TNIK: variants seen among roughly 807,000 people sequenced by gnomAD.
TNIK encodes the protein TRAF2 and NCK interacting kinase, also known as TRAF2 and NCK-interacting protein kinase.
A neutral mutation model predicts 191.3 loss-of-function variants in TNIK; 49 were observed. That is an observed-to-expected ratio of 0.26 (90% confidence interval 0.20 to 0.32). The LOEUF (loss-of-function observed/expected upper bound fraction) is 0.32, where lower values mean the gene tolerates loss of function less well. TNIK is among the 10% of genes least tolerant of loss of function. TNIK has a pLI of 1.00. For missense variants in TNIK, 1,155 were observed against 1,702.3 expected, an observed-to-expected ratio of 0.68 and a Z score of 5.66; for synonymous variants, 594 against 600.9, an observed-to-expected ratio of 0.99 and a Z score of 0.17.
At chr3:171,352,314 T>C (rs900773945) in intron 2 of TNIK, among the ~76,000 whole-genome samples, 2 of 152,214 alleles carry the variant, frequency 1.3e-5, no homozygotes, top group African/African-American at 4.8e-5. Flanking sequence ...GAAAAATCTA[T>C]TCACCTTTTA....
At chr3:171,183,957 A>G (rs1169339271) in intron 7 of TNIK, among the ~76,000 whole-genome samples, 3 of 151,074 alleles carry the variant, frequency 2.0e-5, no homozygotes, top group Admixed American at 2.0e-4. Flanking sequence ...CCCAAATAGC[A>G]ATACTTCCAT....
chr3:171,203,568 G>A (rs1032017706), intron 4 of TNIK, among the ~76,000 whole-genome samples: 2 of 152,156 alleles, frequency 1.3e-5, no homozygotes, highest in Non-Finnish European at 2.9e-5. Context: ...AGACTTTTCT[G>A]TGAAACTGCT....
chr3:171,158,536 T>A (rs1733530425), intron 11 of TNIK, among the ~76,000 whole-genome samples: 1 of 152,238 alleles, frequency 6.6e-6, no homozygotes, highest in Non-Finnish European at 1.5e-5. Flanking sequence ...AGAAATGACT[T>A]CTGTTTATTC....
intron 23 of TNIK, among the ~76,000 whole-genome samples, chr3:171,093,132 C>T (rs1722275044): frequency 6.6e-6 from 1 of 152,078 alleles, no homozygotes; most frequent in South Asian, 2.1e-4. Context: ...CTCAAACTTG[C>T]ATGGTGATGA....
At chr3:171,212,917 TA>T (rs10709085) in intron 3 of TNIK, among the ~76,000 whole-genome samples, 114,427 of 151,988 alleles carry the variant, frequency 0.75, 43,357 homozygotes, top group East Asian at 0.85. Context: ...CTAGGAGAAG[TA>T]AAAGCATGTT....
At chr3:171,065,746 A>T (rs1718360399) in intron 32 of TNIK, among the ~76,000 whole-genome samples, 1 of 152,202 alleles carries the variant, frequency 6.6e-6, no homozygotes, top group African/African-American at 2.4e-5. Context: ...GACATTTTTA[A>T]AAAGCTTATA....
chr3:171,110,008 G>A (rs192586193), intron 19 of TNIK, among the ~76,000 whole-genome samples: 36 of 152,054 alleles, frequency 2.4e-4, no homozygotes, highest in Admixed American at 1.1e-3. Context: ...GGGTTCAAGC[G>A]ATTCTCCTGC....
intron 2 of TNIK, among the ~76,000 whole-genome samples, chr3:171,277,568 A>C (rs1749906579): frequency 6.6e-6 from 1 of 152,114 alleles, no homozygotes; most frequent in South Asian, 2.1e-4. Flanking sequence ...TTACCAGAGG[A>C]GTTTCTGTGG....
intron 2 of TNIK, among the ~76,000 whole-genome samples, chr3:171,278,259 C>A (rs1041359022): frequency 6.6e-6 from 1 of 152,172 alleles, no homozygotes; most frequent in African/African-American, 2.4e-5. Context: ...ATTCTCCTAA[C>A]CTTTCAGATG....
At chr3:171,351,464 T>C (rs1200600957) in intron 2 of TNIK, among the ~76,000 whole-genome samples, 1 of 152,218 alleles carries the variant, frequency 6.6e-6, no homozygotes, top group Non-Finnish European at 1.5e-5. Flanking sequence ...TGTGTCATCT[T>C]CATTTTTCAT....
chr3:171,320,235 C>A (rs903020149), intron 2 of TNIK, among the ~76,000 whole-genome samples: 3 of 152,150 alleles, frequency 2.0e-5, no homozygotes, highest in Non-Finnish European at 2.9e-5. Flanking sequence ...AGAACATAGA[C>A]ATTTTGATTT....
rs756900420 is a variant in TNIK at position 171,087,523 on chromosome 3, C to G, written c.2722-17G>C. 3.1e-6 allele frequency: 5 copies of G among 1,611,540 alleles called. No individual in the cohort carries two copies. The highest frequency in any genetic ancestry group is 4.2e-6 in the Non-Finnish European group (5 of 1,178,428). On this transcript the variant is annotated splice_polypyrimidine_tract_variant and intron_variant, in intron 23 of 32. Coordinates refer to ENST00000436636, the MANE Select transcript of TNIK (RefSeq NM_015028.4). The stretch of plus-strand genomic sequence containing the variant: ...TCCAGACGTCTGAGGGAGCACAGCA[C>G]GTGGGAGGAGTTAGAGAGGGGGGAA...
chr3:171,455,406 CTT>C (rs761736063), intron 1 of TNIK, among the ~76,000 whole-genome samples: 22 of 137,434 alleles, frequency 1.6e-4, no homozygotes, highest in African/African-American at 1.3e-4. Context: ...ACCACACTGA[CTT>C]TTTTTTTTTT....
At chr3:171,161,641 G>A (rs577846446) in intron 10 of TNIK, among the ~76,000 whole-genome samples, 15 of 151,992 alleles carry the variant, frequency 9.9e-5, no homozygotes, top group Admixed American at 2.0e-4. Flanking sequence ...TTGTTTGGCC[G>A]GGCACGGTGG....
chr3:171,401,943 C>T (rs1180904852), intron 1 of TNIK, among the ~76,000 whole-genome samples: 2 of 152,186 alleles, frequency 1.3e-5, no homozygotes, highest in African/African-American at 4.8e-5. Flanking sequence ...GCAAAGTGAT[C>T]ACGTCTGTTT....
chr3:171,084,125 A>G (rs747214793), intron 26 of TNIK, 30 bp downstream of exon 26: 27 of 257,348 alleles, frequency 1.0e-4, no homozygotes, highest in Non-Finnish European at 1.7e-4. Context: ...TGGTTATTTA[A>G]AAAAAAAAAA....
chr3:171,424,054 G>C (rs995540301), intron 1 of TNIK, among the ~76,000 whole-genome samples: 1 of 152,112 alleles, frequency 6.6e-6, no homozygotes, highest in African/African-American at 2.4e-5. Context: ...GCAACCTATA[G>C]AATGGGAGAA....
intron 1 of TNIK, among the ~76,000 whole-genome samples, chr3:171,405,789 T>C (rs537248395): frequency 5.9e-5 from 9 of 152,278 alleles, no homozygotes; most frequent in Admixed American, 5.9e-4. Flanking sequence ...AGAAACACTA[T>C]TTAATATAAA....
intron 2 of TNIK, among the ~76,000 whole-genome samples, chr3:171,322,918 T>C (rs1481762733): frequency 6.6e-6 from 1 of 151,766 alleles, no homozygotes. Context: ...TGCTTTTGTA[T>C]AGCCAGTGAG....
Sources: gnomAD v4.1 joint callset for allele counts (sites outside exome capture counted in the v4.1 genomes callset) on GRCh38, gnomAD v4.1.1 for gene constraint, MANE v1.5 for transcripts, NCBI Gene and HGNC (gene_info 2026-07-23, HGNC 2026-07-21) for gene names.